The following SLCO2B1 variants were observed in gnomAD, a reference collection of about 807,000 sequenced individuals.
The protein encoded by SLCO2B1 is solute carrier organic anion transporter family member 2B1.
Under a neutral mutation model 67.3 loss-of-function variants are expected in SLCO2B1, and 41 were observed. The observed-to-expected ratio is 0.61, with a 90% CI of 0.47 to 0.79. The LOEUF (loss-of-function observed/expected upper bound fraction) is 0.79, where lower values mean the gene tolerates loss of function less well. Ranked by LOEUF, SLCO2B1 falls within the 30% of genes least tolerant of loss-of-function variation. The pLI is 0.00. For synonymous variants in SLCO2B1, 379 were observed against 381.4 expected, an observed-to-expected ratio of 0.99 and a Z score of 0.07; for missense variants, 837 against 920.1, an observed-to-expected ratio of 0.91 and a Z score of 1.17.
chr11:75,164,801 C>G (rs1301769166), intron 3 of SLCO2B1, among the ~76,000 whole-genome samples: 1 of 152,230 alleles, frequency 6.6e-6, no homozygotes, highest in Admixed American at 6.5e-5. Context: ...AGATCCTCCT[C>G]AGCACCCGCC....
intron 7 of SLCO2B1, among the ~76,000 whole-genome samples, chr11:75,183,576 G>A (rs191756945): frequency 6.6e-6 from 1 of 152,304 alleles, no homozygotes; most frequent in African/African-American, 2.4e-5. Flanking sequence ...CTAGGCTAGA[G>A]TGCAGAGGTG....
chr11:75,154,877 CAG>C (rs1180722029), intron 1 of SLCO2B1, among the ~76,000 whole-genome samples: 4 of 152,154 alleles, frequency 2.6e-5, no homozygotes, highest in Non-Finnish European at 4.4e-5. Flanking sequence ...TCAATTTAAG[CAG>C]AGAGAGAGAT....
chr11:75,168,897 C>T (rs530962384), intron 4 of SLCO2B1, among the ~76,000 whole-genome samples: 13 of 152,342 alleles, frequency 8.5e-5, no homozygotes, highest in African/African-American at 3.1e-4. Context: ...TTGCAAATGC[C>T]TCAGCTCAGA....
intron 1 of SLCO2B1, among the ~76,000 whole-genome samples, chr11:75,158,811 A>G (rs1465778516): frequency 6.6e-6 from 1 of 152,182 alleles, no homozygotes; most frequent in Non-Finnish European, 1.5e-5. Context: ...GCCTATTCTC[A>G]GCCTCACATT....
At chr11:75,175,598 G>A (rs1244042743) in intron 7 of SLCO2B1, among the ~76,000 whole-genome samples, 4 of 152,026 alleles carry the variant, frequency 2.6e-5, no homozygotes, top group Non-Finnish European at 5.9e-5. Context: ...CCCCCGAGAA[G>A]GTTTCTGGCC....
intron 7 of SLCO2B1, among the ~76,000 whole-genome samples, chr11:75,176,289 G>A (rs1185709962): frequency 6.6e-6 from 1 of 152,126 alleles, no homozygotes; most frequent in Non-Finnish European, 1.5e-5. Context: ...ACCTGCCCTT[G>A]GGACTGGGTC....
Position 75,203,380 on chromosome 11 carries a change from G to T in SLCO2B1, c.1902G>T (p.Gly634=), listed in dbSNP as rs759367383. The change falls in exon 13 of 14, where the codon GGG becomes GGT. Residue 634 remains glycine, a synonymous_variant. Coordinates refer to ENST00000289575, the MANE Select transcript of SLCO2B1 (RefSeq NM_007256.5). ...TTCVHWALSC[G]RRAVCRYYNN... is the part of the protein sequence containing the mutation. ...GTGTGCACTGGGCCCTGAGCTGTGGGCGTCGAGCTGTCTGTCGCTACTACA... is the reference window on the plus strand; with the variant it reads ...GTGTGCACTGGGCCCTGAGCTGTGGTCGTCGAGCTGTCTGTCGCTACTACA... 1 of 1,614,194 alleles carries T rather than the reference G, an allele frequency of 6.2e-7. No individual in the cohort carries two copies. The highest frequency in any genetic ancestry group is 1.1e-5 in the South Asian group (1 of 91,086).
chr11:75,179,089 T>C (rs1349773275), intron 7 of SLCO2B1, among the ~76,000 whole-genome samples: 1 of 152,192 alleles, frequency 6.6e-6, no homozygotes, highest in Non-Finnish European at 1.5e-5. Flanking sequence ...AGTGCAGATC[T>C]CTCTCCTTTC....
intron 6 of SLCO2B1, among the ~76,000 whole-genome samples, chr11:75,171,184 C>A (rs1164889916): frequency 6.6e-6 from 1 of 152,214 alleles, no homozygotes; most frequent in Non-Finnish European, 1.5e-5. Flanking sequence ...GTCCTCTGGT[C>A]CCTGCCTGGG....
intron 7 of SLCO2B1, among the ~76,000 whole-genome samples, chr11:75,187,194 A>C (rs1415739275): frequency 2.0e-5 from 3 of 152,210 alleles, no homozygotes; most frequent in Non-Finnish European, 1.5e-5. Context: ...CCCAGCATAC[A>C]GTAAGTGCTT....
chr11:75,155,704 T>C (rs2712820), intron 1 of SLCO2B1, among the ~76,000 whole-genome samples: 119,143 of 152,040 alleles, frequency 0.78, 47,054 homozygotes, highest in South Asian at 0.9. Context: ...GTGATCCGCC[T>C]GCTTCAGCCT....
At chr11:75,187,349 G>A (rs1422396633) in intron 7 of SLCO2B1, among the ~76,000 whole-genome samples, 1 of 152,206 alleles carries the variant, frequency 6.6e-6, no homozygotes, top group Admixed American at 6.5e-5. Flanking sequence ...CCACCCAGGT[G>A]GAGGGACATA....
intron 4 of SLCO2B1, among the ~76,000 whole-genome samples, chr11:75,166,725 G>A (rs1006373107): frequency 6.6e-6 from 1 of 152,184 alleles, no homozygotes; most frequent in South Asian, 2.1e-4. Context: ...GAGCCTCTCA[G>A]GGGAATCAGT....
At chr11:75,154,952 C>T (rs1949730565) in intron 1 of SLCO2B1, among the ~76,000 whole-genome samples, 1 of 152,200 alleles carries the variant, frequency 6.6e-6, no homozygotes, top group Admixed American at 6.5e-5. Context: ...ATCTCTGAGC[C>T]TCTGGCTCCT....
At chr11:75,166,273 C>T (rs1037120559) in intron 4 of SLCO2B1, among the ~76,000 whole-genome samples, 51 of 152,154 alleles carry the variant, frequency 3.4e-4, no homozygotes, top group African/African-American at 1.1e-3. Flanking sequence ...TCCGGAATTG[C>T]GTGTGTAATA....
At chr11:75,185,501 C>CTTTTTT (rs11381669) in intron 7 of SLCO2B1, among the ~76,000 whole-genome samples, 24 of 106,180 alleles carry the variant, frequency 2.3e-4, no homozygotes, top group African/African-American at 9.3e-4. Context: ...GTATAAGTCT[C>CTTTTTT]TTTTTTTTTT....
intron 2 of SLCO2B1, among the ~76,000 whole-genome samples, chr11:75,163,761 C>G (rs573335423): frequency 6.6e-6 from 1 of 152,092 alleles, no homozygotes; most frequent in East Asian, 1.9e-4. Flanking sequence ...TTCCCTTTCT[C>G]TCTTTCTCTC....
At chr11:75,153,709 C>T (rs952504293) in intron 1 of SLCO2B1, among the ~76,000 whole-genome samples, 1 of 152,130 alleles carries the variant, frequency 6.6e-6, no homozygotes, top group Non-Finnish European at 1.5e-5. Context: ...GTTGGAGGAG[C>T]GGGGGTCACT....
intron 7 of SLCO2B1, among the ~76,000 whole-genome samples, chr11:75,176,073 G>GT (rs1950019341): frequency 6.6e-6 from 1 of 152,212 alleles, no homozygotes; most frequent in Non-Finnish European, 1.5e-5. Context: ...CTAGGCCTCA[G>GT]TCTTCCTGTC....
Sources: gnomAD v4.1 joint callset for allele counts (sites outside exome capture counted in the v4.1 genomes callset) on GRCh38, gnomAD v4.1.1 for gene constraint, MANE v1.5 for transcripts, NCBI Gene and HGNC (gene_info 2026-07-23, HGNC 2026-07-21) for gene names.